Variants in MYO18A observed in about 807,000 individuals in gnomAD.
MYO18A encodes the protein unconventional myosin-XVIIIa.
MYO18A carries 78 observed loss-of-function variants against 235.8 expected under a neutral mutation model. The observed-to-expected ratio is 0.33, with a 90% CI of 0.28 to 0.40. MYO18A has a LOEUF of 0.40. Among genes scored for constraint, MYO18A ranks in the 10% least tolerant of loss-of-function variants. MYO18A has a pLI of 1.00. For synonymous variants in MYO18A, 977 were observed against 1,077.8 expected (o/e 0.91, Z 1.83); for missense variants, 2,215 against 2,699.3 (o/e 0.82, Z 3.98).
At chr17:29,127,069 C>T (rs1376120473) in intron 2 of MYO18A, among the ~76,000 whole-genome samples, 1 of 152,222 alleles carries the variant, frequency 6.6e-6, no homozygotes, top group Non-Finnish European at 1.5e-5. Flanking sequence ...ATGGAGCACC[C>T]ACCATGCCAG....
At chr17:29,151,703 C>T (rs971663906) in intron 2 of MYO18A, among the ~76,000 whole-genome samples, 1 of 152,198 alleles carries the variant, frequency 6.6e-6, no homozygotes, top group Non-Finnish European at 1.5e-5. Context: ...GGGCCAAGCA[C>T]GAGTAAGACA....
intron 2 of MYO18A, chr17:29,136,908 A>C (rs2067617839): frequency 6.6e-6 from 1 of 152,156 alleles, no homozygotes; most frequent in Non-Finnish European, 1.5e-5. Flanking sequence ...GGATGTGCAA[A>C]AAGGGAGACC....
chr17:29,111,618 G>C lies in MYO18A; in HGVS notation c.2741-35C>G, dbSNP rs2066930255. The C allele has an allele frequency of 1.9e-6, 3 of 1,613,244 alleles. No individual in the cohort carries two copies. Among genetic ancestry groups the C allele is most frequent in the Non-Finnish European group, 2.5e-6 (3 of 1,179,556 alleles). On this transcript the variant is annotated intron_variant, in intron 16 of 41. Transcript: ENST00000527372. This position sits in a 1 kb window ranked among gnomAD's most constrained non-coding sequence, Gnocchi z 5.1. Reference sequence around the variant, plus strand: ...GGAGAAGCAAGATTTAGGTCGTCAGGGTACAGGCACAAAGTGACCCCCGCC... The same window carrying C: ...GGAGAAGCAAGATTTAGGTCGTCAGCGTACAGGCACAAAGTGACCCCCGCC...
intron 1 of MYO18A, among the ~76,000 whole-genome samples, chr17:29,173,666 G>A (rs941960310): frequency 6.6e-5 from 10 of 151,534 alleles, no homozygotes; most frequent in African/African-American, 1.2e-4. Context: ...GATTACAGGC[G>A]TGAGCCACCG....
At position 29,121,323 on chromosome 17, in the gene MYO18A, G is replaced by T; in HGVS notation, c.1372-112C>A. The T allele has an allele frequency of 7.9e-7, 1 of 1,260,848 alleles. No homozygotes were observed. Among genetic ancestry groups the T allele is most frequent in the Non-Finnish European group, 1.1e-6 (1 of 905,618 alleles). The allele number at this position is 1,260,848 out of a possible 1,614,324, so 78.1% of individuals were successfully genotyped here. A position where few individuals can be genotyped will look rare whatever the true frequency, so the allele number is the denominator to read the frequency against. On this transcript the variant is annotated intron_variant, in intron 5 of 41. Coordinates refer to ENST00000527372, the MANE Select transcript of MYO18A (RefSeq NM_078471.4). The surrounding 1 kb of genome is among the most constrained non-coding windows in gnomAD (Gnocchi z 4.2). The stretch of plus-strand genomic sequence containing the variant: ...TGGATTTTCCCTCCTGTAGTGCCCA[G>T]GGATTCCAAGGCCAAGGCCATGCAT...
chr17:29,163,432 A>G (rs2068215672), intron 2 of MYO18A, among the ~76,000 whole-genome samples: 1 of 152,208 alleles, frequency 6.6e-6, no homozygotes, highest in Non-Finnish European at 1.5e-5. Context: ...ATCCTGCCAC[A>G]TGGCTCTAGG....
At chr17:29,098,694 A>G (rs1379396206) in intron 23 of MYO18A, 132 bp downstream of exon 23, 3 of 1,295,194 alleles carry the variant, frequency 2.3e-6, no homozygotes, top group East Asian at 2.5e-5. Flanking sequence ...CCAGAGGGAC[A>G]TCTTCTATTT....
At chr17:29,107,393 C>T (rs1007224576) in intron 19 of MYO18A, 25 of 567,430 alleles carry the variant, frequency 4.4e-5, no homozygotes, top group Non-Finnish European at 6.7e-5. Context: ...ACAATCAGGC[C>T]TGCTCCACAG....
rs545673622 is a variant in MYO18A, at chr17:29,115,045, C to T, written c.2373G>A (p.Pro791=). 1.6e-5 allele frequency: 26 copies of T among 1,613,950 alleles called. No homozygotes were observed. The East Asian group carries it at 2.0e-4, about 12-fold the overall frequency. The change falls in exon 14 of 42, where the codon CCG becomes CCA. Residue 791 remains proline, a synonymous_variant. Transcript: ENST00000527372. The part of the protein sequence containing the change: ...SLCSMMIVDT[P]GFQNPEQGGS... ...CACCCTGCTCAGGGTTCTGGAAGCC[C>T]GGGGTGTCGACAATCATCATGGAGC...
Position 29,120,957 on chromosome 17 carries a change from C to A in MYO18A, c.1585+41G>T. On this transcript the variant is annotated intron_variant, in intron 6 of 41. Transcript: ENST00000527372. The surrounding 1 kb of genome is among the most constrained non-coding windows in gnomAD (Gnocchi z 4.2). ...GGGTGCTCTCTCCTCACTCCCCTCC[C>A]CTCACCCCACTTTCAGTTTTCTCCC... 1.3e-6 allele frequency: 2 copies of A among 1,586,224 alleles called. No homozygotes were observed. Among genetic ancestry groups the A allele is most frequent in the East Asian group, 4.6e-5 (2 of 43,448 alleles).
rs775623025 is a variant in MYO18A at position 29,082,287 on chromosome 17, T to C, written c.6020+29A>G. The C allele has an allele frequency of 5.0e-6, 8 of 1,613,076 alleles. No homozygotes were observed. In the South Asian group the frequency reaches 6.6e-5, roughly 13 times the overall value. The stretch of plus-strand genomic sequence containing the variant: ...CATTCCTTGTGGCACAAGGTGGCTT[T>C]TCCTCCCAGCTCAAGGCCATATGCT... On this transcript the variant is annotated intron_variant, in intron 41 of 41. Coordinates refer to ENST00000527372, the MANE Select transcript of MYO18A (RefSeq NM_078471.4).
chr17:29,074,336 C>G lies in MYO18A; in HGVS notation c.*434G>C. 1.2e-6 allele frequency: 1 copy of G among 803,254 alleles called. No homozygotes were observed. The highest frequency in any genetic ancestry group is 2.0e-6 in the Non-Finnish European group (1 of 511,788). The allele number at this position is 803,254 out of a possible 1,614,324, so 49.8% of individuals were successfully genotyped here. On this transcript the variant is annotated 3_prime_UTR_variant, in exon 42 of 42. Coordinates refer to ENST00000527372, the MANE Select transcript of MYO18A (RefSeq NM_078471.4). This position sits in a 1 kb window ranked among gnomAD's most constrained non-coding sequence, Gnocchi z 4.4. ...GGCACCAAGAAGAGAGAGCCCCCAC[C>G]CCACACGAGAGGGAAGGCACTGCTT... is the stretch of plus-strand genomic sequence containing the variant.
chr17:29,123,666 T>A (rs2067253404), intron 2 of MYO18A, among the ~76,000 whole-genome samples: 1 of 152,236 alleles, frequency 6.6e-6, no homozygotes, highest in African/African-American at 2.4e-5. Context: ...TAACTCTGAA[T>A]AGGAGGATCA....
At chr17:29,165,880 C>T (rs370837444) in intron 2 of MYO18A, 62 bp downstream of exon 2, 1 of 1,484,242 alleles carries the variant, frequency 6.7e-7, no homozygotes. Flanking sequence ...ATTACCCAGT[C>T]AAGCAGGAGG....
At chr17:29,084,562 C>T (rs1396978972) in intron 40 of MYO18A, among the ~76,000 whole-genome samples, 1 of 152,188 alleles carries the variant, frequency 6.6e-6, no homozygotes, top group Non-Finnish European at 1.5e-5. Context: ...TGTCCGGGCT[C>T]ATGTGCTATT....
At chr17:29,143,430 T>C (rs2067785228) in intron 2 of MYO18A, among the ~76,000 whole-genome samples, 1 of 136,992 alleles carries the variant, frequency 7.3e-6, no homozygotes, top group Admixed American at 7.4e-5. Context: ...TTTGCACAGA[T>C]GGGGCTTCCC....
At chr17:29,114,315 G>A (rs2067005325) in intron 14 of MYO18A, 3 of 544,434 alleles carry the variant, frequency 5.5e-6, no homozygotes, top group Non-Finnish European at 9.9e-6. Flanking sequence ...TCCGAAGCCA[G>A]AGTCACATTC....
Position 29,071,928 on chromosome 17 carries a change from G to A in MYO18A, c.*2842C>T, listed in dbSNP as rs1213212207. On this transcript the variant is annotated 3_prime_UTR_variant, in exon 42 of 42. Coordinates refer to ENST00000527372, the MANE Select transcript of MYO18A (RefSeq NM_078471.4). ...CCCAGAATGGGGCCTAGGCACAGCA[G>A]GCAGTCATGAAATATTTCTCAACTG... is the stretch of plus-strand genomic sequence containing the variant. 6.6e-6 allele frequency: 1 copy of A among 152,214 alleles called. No homozygotes were observed. Among genetic ancestry groups the A allele is most frequent in the East Asian group, 1.9e-4 (1 of 5,204 alleles). 9.4% of individuals were successfully genotyped at this position (152,214 alleles called of 1,614,324 possible). A position where few individuals can be genotyped will look rare whatever the true frequency, so the allele number is the denominator to read the frequency against.
chr17:29,085,171 C>T (rs1185110331), intron 40 of MYO18A, among the ~76,000 whole-genome samples: 1 of 152,252 alleles, frequency 6.6e-6, no homozygotes, highest in Non-Finnish European at 1.5e-5. Context: ...ATGAAACACG[C>T]CCGCTTCTTT....
Sources: allele counts gnomAD v4.1 joint callset (sites outside exome capture counted in the v4.1 genomes callset), GRCh38; gene constraint gnomAD v4.1.1; non-coding constraint Gnocchi (gnomAD v3.1); transcripts MANE v1.5; gene names NCBI Gene and HGNC (gene_info 2026-07-23, HGNC 2026-07-21).